HSPG2: variants seen among roughly 807,000 people sequenced by gnomAD.
The protein encoded by HSPG2 is heparan sulfate proteoglycan 2.
Under a neutral mutation model 526.6 loss-of-function variants are expected in HSPG2, and 278 were observed. The ratio of observed to expected loss-of-function variants is 0.53; its 90% CI spans 0.48 to 0.58. The LOEUF (loss-of-function observed/expected upper bound fraction) is 0.58. HSPG2 is among the 20% of genes least tolerant of loss of function. The probability of loss-of-function intolerance (pLI) is 0.00; values close to 1 mark genes in which losing one functional copy is unlikely to be tolerated. For missense variants in HSPG2, 5,354 were observed against 6,099.5 expected (o/e 0.88, Z 4.07); for synonymous variants, 2,465 against 2,555.4 (o/e 0.96, Z 1.07).
At chr1:21,881,585 G>A in intron 13 of HSPG2, 83 bp from the exon 14 acceptor site, 4 of 1,235,180 alleles carry the variant, frequency 3.2e-6, no homozygotes, top group South Asian at 1.3e-5. Flanking sequence ...ATCCAGAAAG[G>A]TGGGAAAGTT....
At chr1:21,827,567 A>G (rs1026704613) in intron 91 of HSPG2, among the ~76,000 whole-genome samples, 2 of 152,192 alleles carry the variant, frequency 1.3e-5, no homozygotes, top group Non-Finnish European at 2.9e-5. Flanking sequence ...TGCTTTATGC[A>G]TCTTATATTT....
At chr1:21,923,023 C>T (rs1569629501) in intron 1 of HSPG2, among the ~76,000 whole-genome samples, 2 of 120,056 alleles carry the variant, frequency 1.7e-5, no homozygotes, top group East Asian at 4.7e-4. Context: ...AAGCAGGCAC[C>T]CCAAGACTGC....
Position 21,848,777 on chromosome 1 carries a change from G to T in HSPG2, c.7603C>A (p.Pro2535Thr). 6.2e-7 allele frequency: 1 copy of T among 1,613,718 alleles called. No homozygotes were observed. The highest frequency in any genetic ancestry group is 8.5e-7 in the Non-Finnish European group (1 of 1,179,984). Residue 2535 changes from proline to threonine, a missense_variant, in exon 59 of 97, where the codon CCC becomes ACC. Coordinates refer to ENST00000374695, the MANE Select transcript of HSPG2 (RefSeq NM_005529.7). This position sits in a 1 kb window ranked among gnomAD's most constrained non-coding sequence, Gnocchi z 4.9. The stretch of plus-strand genomic sequence containing the variant: ...GCTGAGGAGGACTCGATGCGGACGG[G>T]GTACGCCACACCCTGGGCTGGGAGG... ...SGSHSQGVAYPVRIESSSASL... is the reference protein window; with the variant it reads ...SGSHSQGVAYTVRIESSSASL...
rs1249355376 is a variant in HSPG2 at position 21,850,202 on chromosome 1, GAGGGCAA to G, written c.7295-17_7295-11del. On this transcript the variant is annotated splice_polypyrimidine_tract_variant and intron_variant, in intron 56 of 96. Transcript: ENST00000374695. ...GGGGTGACCCCAAGTGCTGGGGACAGAGGGCAAAGGGTCAATAGCCGGCTAGGAGGTG... is the reference window on the plus strand; with the variant it reads ...GGGGTGACCCCAAGTGCTGGGGACAGAGGGTCAATAGCCGGCTAGGAGGTG... The G allele has an allele frequency of 6.2e-7, 1 of 1,613,350 alleles. No homozygotes were observed.
chr1:21,831,951 T>C (rs1572157700), intron 81 of HSPG2, among the ~76,000 whole-genome samples, 155 bp from the exon 82 acceptor site: 1 of 152,232 alleles, frequency 6.6e-6, no homozygotes. Flanking sequence ...CCCTGTCTTG[T>C]CGTCCCTCCC....
Position 21,874,029 on chromosome 1 carries a change from T to C in HSPG2, c.3657-18A>G. 5.7e-6 allele frequency: 9 copies of C among 1,586,234 alleles called. No individual in the cohort carries two copies. Among genetic ancestry groups the C allele is most frequent in the Non-Finnish European group, 7.7e-6 (9 of 1,164,312 alleles). On this transcript the variant is annotated intron_variant, in intron 28 of 96. Transcript: ENST00000374695. ...GGGCAGCCCTGAGTGTGGGGGCAGA[T>C]TTCTAGTCAGGAACGCAGTGGCTCC...
At position 21,842,313 on chromosome 1, in the gene HSPG2, G is replaced by A. The variant is rs1421779631; in HGVS notation, c.8978C>T (p.Ala2993Val). 6.2e-7 allele frequency: 1 copy of A among 1,613,126 alleles called. No individual in the cohort carries two copies. Among genetic ancestry groups the A allele is most frequent in the Non-Finnish European group, 8.5e-7 (1 of 1,179,746 alleles). Reference sequence around the variant, plus strand: ...TTGCTCAGGGCCTGGGCCGCTGGCTGCACGACACACATACTCGCCTGAGTC... The same window carrying A: ...TTGCTCAGGGCCTGGGCCGCTGGCTACACGACACACATACTCGCCTGAGTC... ...PADSGEYVCR[A>V]ASGPGPEQEA... The change falls in exon 68 of 97, where the codon GCA becomes GTA. Residue 2993 changes from alanine to valine, a missense_variant. Coordinates refer to ENST00000374695, the MANE Select transcript of HSPG2 (RefSeq NM_005529.7).
chr1:21,898,923 G>GAGCT lies in HSPG2; in HGVS notation c.64-2617_64-2614dup, dbSNP rs1376393860. ...TCCAGAGCTTTTCCCAGGGAGCAGG[G>GAGCT]AGCTGGTCAGCGGGTGGCGGCGGGG... On this transcript the variant is annotated intron_variant, in intron 1 of 96. Coordinates refer to ENST00000374695, the MANE Select transcript of HSPG2 (RefSeq NM_005529.7). This position sits in a 1 kb window ranked among gnomAD's most constrained non-coding sequence, Gnocchi z 4.0. Among the ~76,000 whole-genome samples the GAGCT allele has an allele frequency of 6.6e-6, 1 of 152,260 alleles. No homozygotes were observed. Among genetic ancestry groups the GAGCT allele is most frequent in the East Asian group, 1.9e-4 (1 of 5,198 alleles).
In HSPG2 at chr1:21,895,931, A is replaced by AGTCCCCGCTGCCCAG. The variant is rs767090392; in HGVS notation, c.220_234dup (p.Leu74_Asp78dup). The AGTCCCCGCTGCCCAG allele has an allele frequency of 6.2e-7, 1 of 1,613,958 alleles. No homozygotes were observed. ...GCCTGCAGCAACTTACCCATCTGGA[A>AGTCCCCGCTGCCCAG]GTCCCCGCTGCCCAGGTCCCCACTG... On this transcript the variant is annotated inframe_insertion, in exon 3 of 97. Transcript: ENST00000374695. This position sits in a 1 kb window ranked among gnomAD's most constrained non-coding sequence, Gnocchi z 4.1.
chr1:21,875,236 G>A (rs1407532689), intron 25 of HSPG2: 1 of 609,956 alleles, frequency 1.6e-6, no homozygotes, highest in African/African-American at 1.8e-5. Context: ...TCGTTCCCCT[G>A]GGGTCCCCAA....
intron 81 of HSPG2, 24 bp downstream of exon 81, chr1:21,832,471 A>T: frequency 6.4e-7 from 1 of 1,569,352 alleles, no homozygotes; most frequent in Non-Finnish European, 8.8e-7. Context: ...GTCCCCCTGT[A>T]GGTGGGGAGG....
Position 21,890,010 on chromosome 1 carries a change from T to C in HSPG2, c.545A>G (p.Gln182Arg), listed in dbSNP as rs1557793241. ...GCCCAGGCGTCGGAACTGGAATCCC[T>C]GGGGAGAGGTGACGTAGGAGGCCAC... ...GSVASYVTSP[Q>R]GFQFRRLGTV... Residue 182 changes from glutamine to arginine, a missense_variant, in exon 6 of 97, where the codon CAG becomes CGG. By Grantham distance (43) the Gln-to-Arg change is conservative. Coordinates refer to ENST00000374695, the MANE Select transcript of HSPG2 (RefSeq NM_005529.7). The surrounding 1 kb of genome is among the most constrained non-coding windows in gnomAD (Gnocchi z 4.1). 28 of 1,614,016 alleles carry C rather than the reference T, an allele frequency of 1.7e-5. No homozygotes were observed. The highest frequency in any genetic ancestry group is 2.3e-5 in the Non-Finnish European group (27 of 1,179,952).
At chr1:21,869,846 G>C (rs760697214) in intron 33 of HSPG2, among the ~76,000 whole-genome samples, 1 of 152,238 alleles carries the variant, frequency 6.6e-6, no homozygotes, top group African/African-American at 2.4e-5. Flanking sequence ...TGAGCTAGGC[G>C]GGGATATCCC....
chr1:21,859,470 C>G lies in HSPG2; in HGVS notation c.5293+96G>C. On this transcript the variant is annotated intron_variant, in intron 42 of 96. Coordinates refer to ENST00000374695, the MANE Select transcript of HSPG2 (RefSeq NM_005529.7). The surrounding 1 kb of genome is among the most constrained non-coding windows in gnomAD (Gnocchi z 5.3). Reference sequence around the variant, plus strand: ...TGACCTTGTTCGGGCAACCACTGCCCCCTCCCAGCAGGTGAATGCACCATC... The same window carrying G: ...TGACCTTGTTCGGGCAACCACTGCCGCCTCCCAGCAGGTGAATGCACCATC... 1.1e-6 allele frequency: 1 copy of G among 947,522 alleles called. No homozygotes were observed. The highest frequency in any genetic ancestry group is 1.7e-6 in the Non-Finnish European group (1 of 599,402). The allele number at this position is 947,522 out of a possible 1,614,324, so 58.7% of individuals were successfully genotyped here.
chr1:21,830,712 A>AAT, intron 85 of HSPG2: 1 of 368,000 alleles, frequency 2.7e-6, no homozygotes, highest in Non-Finnish European at 4.9e-6. Context: ...AAAAAAAAAA[A>AAT]GATGGGCTGG....
At chr1:21,867,665 T>C (rs927577815) in intron 33 of HSPG2, among the ~76,000 whole-genome samples, 1 of 152,180 alleles carries the variant, frequency 6.6e-6, no homozygotes, top group Non-Finnish European at 1.5e-5. Context: ...AGCAGATTGC[T>C]TCTTATCCTC....
At chr1:21,915,947 A>G (rs1643876720) in intron 1 of HSPG2, among the ~76,000 whole-genome samples, 1 of 151,874 alleles carries the variant, frequency 6.6e-6, no homozygotes, top group East Asian at 1.9e-4. Flanking sequence ...GCTACTCGGG[A>G]GGCTGAGGAA....
chr1:21,871,139 C>A (rs1640613452), intron 33 of HSPG2, among the ~76,000 whole-genome samples: 1 of 152,186 alleles, frequency 6.6e-6, no homozygotes, highest in East Asian at 1.9e-4. Context: ...GAGCCCACCC[C>A]TGAGCCCCTG....
At chr1:21,871,007 C>T (rs538186589) in intron 33 of HSPG2, 4 of 368,890 alleles carry the variant, frequency 1.1e-5, no homozygotes, top group African/African-American at 4.4e-5. Context: ...CAGCCAGCCC[C>T]GGGAGAAGCC....
Sources: gnomAD v4.1 joint callset for allele counts (sites outside exome capture counted in the v4.1 genomes callset) on GRCh38, gnomAD v4.1.1 for gene constraint, Gnocchi (gnomAD v3.1) non-coding constraint, MANE v1.5 for transcripts, NCBI Gene and HGNC (gene_info 2026-07-23, HGNC 2026-07-21) for gene names.